Variants in CDH12 observed in about 807,000 individuals in gnomAD.
CDH12 encodes the protein cadherin-12.
CDH12 carries 41 observed loss-of-function variants against 74.1 expected under a neutral mutation model. That is an observed-to-expected ratio of 0.55 (90% CI 0.43 to 0.72). The LOEUF (loss-of-function observed/expected upper bound fraction) is 0.72, where lower values mean the gene tolerates loss of function less well. Ranked by LOEUF, CDH12 falls within the 30% of genes least tolerant of loss-of-function variation. The pLI is 0.00. For synonymous variants in CDH12, 399 were observed against 355.0 expected (o/e 1.12, Z -1.39); for missense variants, 945 against 977.2 (o/e 0.97, Z 0.44).
At chr5:22,820,969 G>A (rs1171192629) in intron 1 of CDH12, among the ~76,000 whole-genome samples, 2 of 152,078 alleles carry the variant, frequency 1.3e-5, no homozygotes, top group Non-Finnish European at 2.9e-5. Flanking sequence ...GATGAACATT[G>A]ATACAAAAAT....
chr5:22,684,341 A>G (rs951662604), intron 1 of CDH12, among the ~76,000 whole-genome samples: 2 of 152,234 alleles, frequency 1.3e-5, no homozygotes, highest in Admixed American at 6.5e-5. Context: ...ATTTTATAAT[A>G]TACAATTAAG....
In CDH12 at chr5:22,325,485, CA is replaced by C. The variant is rs11315277; in HGVS notation, c.-333+79771del. 7.9e-3 allele frequency among the ~76,000 whole-genome samples: 1,206 copies of C among 152,118 alleles called. 15 individuals are homozygous for C. The highest frequency in any genetic ancestry group is 0.028 in the African/African-American group (1,152 of 41,484). On this transcript the variant is annotated intron_variant, in intron 3 of 14. Coordinates refer to ENST00000382254, the MANE Select transcript of CDH12 (RefSeq NM_004061.5). ...TATGTGTTATATCACATTAACTATA[CA>C]AAACAAATGGAAGGATCTAAATTTA... is the stretch of plus-strand genomic sequence containing the variant.
chr5:22,548,506 T>C (rs755983039), intron 1 of CDH12, among the ~76,000 whole-genome samples: 2 of 152,110 alleles, frequency 1.3e-5, no homozygotes, highest in Admixed American at 6.6e-5. Context: ...TTTTTCCATT[T>C]AAAATGCCTA....
At chr5:22,351,983 A>G (rs1203385251) in intron 3 of CDH12, among the ~76,000 whole-genome samples, 1 of 152,208 alleles carries the variant, frequency 6.6e-6, no homozygotes, top group Non-Finnish European at 1.5e-5. Context: ...AATAAATTTT[A>G]TCTCACTGTC....
intron 1 of CDH12, among the ~76,000 whole-genome samples, chr5:22,547,025 T>A (rs1738361392): frequency 6.6e-6 from 1 of 152,210 alleles, no homozygotes; most frequent in South Asian, 2.1e-4. Flanking sequence ...CATTAGGAGA[T>A]AACTTTTGCA....
At chr5:22,172,903 T>G (rs564582076) in intron 4 of CDH12, among the ~76,000 whole-genome samples, 1 of 150,092 alleles carries the variant, frequency 6.7e-6, no homozygotes, top group African/African-American at 2.4e-5. Flanking sequence ...TCTCCTAATT[T>G]TGTAATTCTG....
At chr5:22,726,205 C>T (rs559336260) in intron 1 of CDH12, among the ~76,000 whole-genome samples, 1 of 151,854 alleles carries the variant, frequency 6.6e-6, no homozygotes, top group South Asian at 2.1e-4. Context: ...ATTCATTCAT[C>T]CCTGCCCCTA....
At chr5:22,628,851 C>A (rs1420156209) in intron 1 of CDH12, among the ~76,000 whole-genome samples, 1 of 151,566 alleles carries the variant, frequency 6.6e-6, no homozygotes, top group African/African-American at 2.4e-5. Flanking sequence ...AGACTGCTAG[C>A]TAGACTAATA....
At chr5:22,310,882 G>A (rs1738360120) in intron 3 of CDH12, among the ~76,000 whole-genome samples, 1 of 152,120 alleles carries the variant, frequency 6.6e-6, no homozygotes, top group African/African-American at 2.4e-5. Flanking sequence ...ACCATCCGAA[G>A]TCTCAGATGG....
intron 1 of CDH12, among the ~76,000 whole-genome samples, chr5:22,517,791 T>A (rs1736869477): frequency 6.6e-6 from 1 of 152,204 alleles, no homozygotes; most frequent in African/African-American, 2.4e-5. Context: ...TATTCTCTAC[T>A]TCCTGTCTTT....
intron 1 of CDH12, among the ~76,000 whole-genome samples, chr5:22,785,538 G>A (rs1353237035): frequency 6.6e-6 from 1 of 151,884 alleles, no homozygotes; most frequent in African/African-American, 2.4e-5. Context: ...TTATTTATTT[G>A]AGACAAGGTC....
At chr5:21,848,647 T>C (rs1306177445) in intron 7 of CDH12, among the ~76,000 whole-genome samples, 1 of 151,934 alleles carries the variant, frequency 6.6e-6, no homozygotes, top group Non-Finnish European at 1.5e-5. Context: ...TGCTAATGTG[T>C]TTGAAAGACA....
intron 1 of CDH12, among the ~76,000 whole-genome samples, chr5:22,620,182 T>C (rs770069987): frequency 4.6e-5 from 7 of 152,130 alleles, no homozygotes; most frequent in Non-Finnish European, 1.0e-4. Context: ...AGAGTTTTCA[T>C]TTCTTCAGTA....
intron 2 of CDH12, among the ~76,000 whole-genome samples, chr5:22,419,596 C>T (rs139487366): frequency 4.6e-5 from 7 of 152,114 alleles, no homozygotes; most frequent in East Asian, 1.9e-4. Context: ...TTGTAAATAG[C>T]GCTGCAGTGA....
intron 1 of CDH12, among the ~76,000 whole-genome samples, chr5:22,708,324 T>G (rs1429739266): frequency 1.3e-5 from 2 of 152,168 alleles, no homozygotes; most frequent in East Asian, 3.8e-4. Flanking sequence ...CAAACATATG[T>G]ACAAAGAGAC....
chr5:22,738,288 G>T (rs899989835), intron 1 of CDH12, among the ~76,000 whole-genome samples: 1 of 151,970 alleles, frequency 6.6e-6, no homozygotes, highest in African/African-American at 2.4e-5. Flanking sequence ...ACTAATATTT[G>T]CTTTGCTCTA....
intron 1 of CDH12, among the ~76,000 whole-genome samples, chr5:22,683,952 ATTC>A (rs1468023860): frequency 2.0e-5 from 3 of 152,210 alleles, no homozygotes; most frequent in African/African-American, 4.8e-5. Flanking sequence ...ACTGAATTTA[ATTC>A]TTCTTTGTTA....
rs1027426240 is a variant in CDH12, at chr5:22,201,743, A to C, written c.-187+10755T>G. Among the ~76,000 whole-genome samples the C allele has an allele frequency of 1.8e-4, 28 of 152,246 alleles. No individual in the cohort carries two copies. The South Asian group carries it at 2.5e-3, about 14-fold the overall frequency. ...CAGGGAAACTACAAGAGAAGCCTTA[A>C]CATGGGGGTAATAGGGCAAGCTTGT... On this transcript the variant is annotated intron_variant, in intron 4 of 14. Coordinates refer to ENST00000382254, the MANE Select transcript of CDH12 (RefSeq NM_004061.5).
chr5:21,819,576 T>C (rs1579764187), intron 8 of CDH12, among the ~76,000 whole-genome samples: 3 of 151,996 alleles, frequency 2.0e-5, no homozygotes, highest in Admixed American at 2.0e-4. Context: ...CATAAATGAG[T>C]GTTAGAAAAA....
Sources: gnomAD v4.1 joint callset for allele counts (sites outside exome capture counted in the v4.1 genomes callset) on GRCh38, gnomAD v4.1.1 for gene constraint, MANE v1.5 for transcripts, NCBI Gene and HGNC (gene_info 2026-07-23, HGNC 2026-07-21) for gene names.